Variants in S100B observed in about 807,000 individuals in gnomAD.
S100B encodes protein S100-B.
Under a neutral mutation model 7.7 loss-of-function variants are expected in S100B, and 6 were observed. That is an observed-to-expected ratio of 0.78 (90% confidence interval 0.43 to 1.54). S100B has a LOEUF of 1.54. Ranked by LOEUF, S100B falls within the 40% of genes most tolerant of loss-of-function variation. The pLI, the probability that S100B is intolerant of heterozygous loss-of-function variation, is 0.01. For synonymous variants in S100B, 36 were observed against 40.4 expected (o/e 0.89, Z 0.41); for missense variants, 99 against 111.8 (o/e 0.89, Z 0.52).
chr21:46,603,327 G>A (rs753213598), intron 1 of S100B, among the ~76,000 whole-genome samples: 1 of 140,094 alleles, frequency 7.1e-6, no homozygotes, highest in Middle Eastern at 3.6e-3. Flanking sequence ...GAGCTGCTGA[G>A]CCTGCATTCC....
Position 46,602,303 on chromosome 21 carries a change from TTGA to T in S100B, c.110_112del (p.Ile37del). Reference sequence around the variant, plus strand: ...CTCTAAGAAATGGGAAAGCTCATTGTTGATGAGCTCCTTCAGTTCGGATTTCTT... The same window carrying T: ...CTCTAAGAAATGGGAAAGCTCATTGTTGAGCTCCTTCAGTTCGGATTTCTT... On this transcript the variant is annotated inframe_deletion, in exon 2 of 3. Coordinates refer to ENST00000291700, the MANE Select transcript of S100B (RefSeq NM_006272.3). 6.2e-7 allele frequency: 1 copy of T among 1,613,198 alleles called. No homozygotes were observed. The highest frequency in any genetic ancestry group is 8.5e-7 in the Non-Finnish European group (1 of 1,179,196).
At position 46,599,242 on chromosome 21, in the gene S100B, A is replaced by G. The variant is rs1601892662; in HGVS notation, c.*121T>C. On this transcript the variant is annotated 3_prime_UTR_variant, in exon 3 of 3. Coordinates refer to ENST00000291700, the MANE Select transcript of S100B (RefSeq NM_006272.3). ...AATTTTTCAATCACAAAGCAAATCA[A>G]GCTTCCTAATTAGCTACAACACGGC... is the stretch of plus-strand genomic sequence containing the variant. 1 of 897,644 alleles carries G rather than the reference A, an allele frequency of 1.1e-6. No individual in the cohort carries two copies. Among genetic ancestry groups the G allele is most frequent in the Non-Finnish European group, 1.7e-6 (1 of 573,410 alleles). 55.6% of individuals were successfully genotyped at this position (897,644 alleles called of 1,614,324 possible).
intron 2 of S100B, among the ~76,000 whole-genome samples, chr21:46,601,762 G>A (rs2061041918): frequency 1.3e-5 from 2 of 152,242 alleles, no homozygotes; most frequent in Admixed American, 6.5e-5. Flanking sequence ...AGCCAGTCAT[G>A]GTCATTCATC....
rs1190731847 is a variant in S100B at position 46,605,040 on chromosome 21, C to T, written c.-29G>A. Reference sequence around the variant, plus strand: ...CTTCCTTGTCTCACCCCTTCCTGGTCTCCTTGCTGCAGGCGTCGTCTCTGC... The same window carrying T: ...CTTCCTTGTCTCACCCCTTCCTGGTTTCCTTGCTGCAGGCGTCGTCTCTGC... On this transcript the variant is annotated 5_prime_UTR_variant, in exon 1 of 3. Coordinates refer to ENST00000291700, the MANE Select transcript of S100B (RefSeq NM_006272.3). 1 of 152,610 alleles carries T rather than the reference C, an allele frequency of 6.6e-6. No individual in the cohort carries two copies. The highest frequency in any genetic ancestry group is 1.5e-5 in the Non-Finnish European group (1 of 68,284). 9.5% of individuals were successfully genotyped at this position (152,610 alleles called of 1,614,324 possible).
intron 2 of S100B, chr21:46,600,263 C>A: frequency 2.9e-6 from 1 of 349,386 alleles, no homozygotes; most frequent in Non-Finnish European, 5.7e-6. Flanking sequence ...ACACAGGGGT[C>A]AGGCACGGTG....
At chr21:46,604,895 C>T (rs1203181027) in intron 1 of S100B, 118 bp downstream of exon 1, 1 of 152,186 alleles carries the variant, frequency 6.6e-6, no homozygotes, top group Admixed American at 6.5e-5. Flanking sequence ...GAAATGCTGC[C>T]AATTGTCCTA....
At chr21:46,602,213 G>C in intron 2 of S100B, 65 bp downstream of exon 2, 2 of 1,420,098 alleles carry the variant, frequency 1.4e-6, no homozygotes, top group South Asian at 2.5e-5. Context: ...AGAAGATAAA[G>C]CCAGTGTACA....
chr21:46,605,029 C>G lies in S100B; in HGVS notation c.-18G>C, dbSNP rs1360070211. Reference sequence around the variant, plus strand: ...CTTTCTCACCTCTTCCTTGTCTCACCCCTTCCTGGTCTCCTTGCTGCAGGC... The same window carrying G: ...CTTTCTCACCTCTTCCTTGTCTCACGCCTTCCTGGTCTCCTTGCTGCAGGC... On this transcript the variant is annotated 5_prime_UTR_variant, in exon 1 of 3. Transcript: ENST00000291700. 1 of 152,660 alleles carries G rather than the reference C, an allele frequency of 6.6e-6. No homozygotes were observed. Among genetic ancestry groups the G allele is most frequent in the Non-Finnish European group, 1.5e-5 (1 of 68,324 alleles). 9.5% of individuals were successfully genotyped at this position (152,660 alleles called of 1,614,324 possible).
intron 1 of S100B, among the ~76,000 whole-genome samples, chr21:46,603,405 A>AGGGGGGGGCGGGGGGGGGGGGGCGGG (rs1555923766): frequency 9.4e-6 from 1 of 106,136 alleles, no homozygotes; most frequent in African/African-American, 3.8e-5. Context: ...GGGTGGGGGC[A>AGGGGGGGGCGGGGGGGGGGGGGCGGG]GGAATAGGTG....
At chr21:46,603,392 A>AGGGGGTGGGG (rs796474856) in intron 1 of S100B, among the ~76,000 whole-genome samples, 1 of 38,206 alleles carries the variant, frequency 2.6e-5, no homozygotes, top group African/African-American at 1.0e-4. Flanking sequence ...GGACGGCGGG[A>AGGGGGTGGGG]GGGGGTGGGG....
In S100B at chr21:46,601,069, C is replaced by T. The variant is rs1394899907; in HGVS notation, c.138+1209G>A. ...TGTCTGCTCCACTCTGAACCATTCA[C>T]GGTGGGGCAGTGTTTGGTGGGAGTG... On this transcript the variant is annotated intron_variant, in intron 2 of 2. Coordinates refer to ENST00000291700, the MANE Select transcript of S100B (RefSeq NM_006272.3). Among the ~76,000 whole-genome samples the T allele has an allele frequency of 2.6e-5, 4 of 152,154 alleles. No homozygotes were observed. In the South Asian group the frequency reaches 6.2e-4, roughly 24 times the overall value.
At position 46,599,393 on chromosome 21, in the gene S100B, A is replaced by G. The variant is rs1169177651; in HGVS notation, c.249T>C (p.Thr83=). ...EFMAFVAMVT[T]ACHEFFEHE Reference sequence around the variant, plus strand: ...CATGTTCAAAGAACTCGTGGCAGGCAGTAGTAACCATGGCAACAAAGGCCA... The same window carrying G: ...CATGTTCAAAGAACTCGTGGCAGGCGGTAGTAACCATGGCAACAAAGGCCA... Residue 83 remains threonine, a synonymous_variant, in exon 3 of 3, where the codon ACT becomes ACC. Coordinates refer to ENST00000291700, the MANE Select transcript of S100B (RefSeq NM_006272.3). The G allele has an allele frequency of 6.2e-7, 1 of 1,613,930 alleles. No homozygotes were observed. Among genetic ancestry groups the G allele is most frequent in the African/African-American group, 1.3e-5 (1 of 74,930 alleles).
At chr21:46,603,392 A>AGGGGGTGGGGGGAGGGGGGGGTGGGG (rs796474856) in intron 1 of S100B, among the ~76,000 whole-genome samples, 5 of 38,230 alleles carry the variant, frequency 1.3e-4, no homozygotes, top group African/African-American at 5.1e-4. Flanking sequence ...GGACGGCGGG[A>AGGGGGTGGGGGGAGGGGGGGGTGGGG]GGGGGTGGGG....
At chr21:46,602,205 A>G in intron 2 of S100B, 73 bp downstream of exon 2, 1 of 1,352,268 alleles carries the variant, frequency 7.4e-7, no homozygotes, top group Non-Finnish European at 1.0e-6. Context: ...GGCAGCTGAG[A>G]AGATAAAGCC....
chr21:46,604,557 C>G (rs768171750), intron 1 of S100B, among the ~76,000 whole-genome samples: 1 of 152,112 alleles, frequency 6.6e-6, no homozygotes, highest in Non-Finnish European at 1.5e-5. Context: ...AACTGGAAAA[C>G]TGAAGAGTTA....
intron 2 of S100B, 138 bp from the exon 3 acceptor site, chr21:46,599,641 G>A: frequency 1.2e-6 from 1 of 807,466 alleles, no homozygotes; most frequent in Non-Finnish European, 2.1e-6. Context: ...TATCAGAAAA[G>A]ATGTCTCATG....
intron 2 of S100B, among the ~76,000 whole-genome samples, chr21:46,600,071 G>A (rs773975990): frequency 6.6e-6 from 1 of 152,218 alleles, no homozygotes. Flanking sequence ...TGGTGTGGCT[G>A]TTAAGTGATG....
Position 46,602,417 on chromosome 21 carries a change from C to T in S100B, c.-1-1G>A. The T allele has an allele frequency of 6.2e-7, 1 of 1,609,896 alleles. No homozygotes were observed. Among genetic ancestry groups the T allele is most frequent in the Non-Finnish European group, 8.5e-7 (1 of 1,178,746 alleles). ...CATGGCCTTCTCCAGCTCAGACATC[C>T]TAGGGGCTCGCAAAGGAAAGTTGCC... On this transcript the variant is annotated splice_acceptor_variant, in intron 1 of 2. Transcript: ENST00000291700. LOFTEE classifies it low-confidence loss of function (5UTR_SPLICE).
Position 46,599,523 on chromosome 21 carries a change from T to G in S100B, c.139-20A>C, listed in dbSNP as rs763815967. The G allele has an allele frequency of 1.2e-6, 2 of 1,612,550 alleles. No homozygotes were observed. The highest frequency in any genetic ancestry group is 1.7e-6 in the Non-Finnish European group (2 of 1,179,176). ...GATTTCCTAAGAGAGATAAAAGGAG[T>G]TGCCGACCTTGTTTTTAAATGGAAT... On this transcript the variant is annotated intron_variant, in intron 2 of 2. Coordinates refer to ENST00000291700, the MANE Select transcript of S100B (RefSeq NM_006272.3).
Sources: gnomAD v4.1 joint callset for allele counts (sites outside exome capture counted in the v4.1 genomes callset) on GRCh38, gnomAD v4.1.1 for gene constraint, MANE v1.5 for transcripts, NCBI Gene and HGNC (gene_info 2026-07-23, HGNC 2026-07-21) for gene names.